The following ARHGAP44 variants were observed in gnomAD, a reference collection of about 807,000 sequenced individuals.
ARHGAP44 encodes the protein Rho GTPase activating protein 44.
A neutral mutation model predicts 106.8 loss-of-function variants in ARHGAP44; 43 were observed. That is an observed-to-expected ratio of 0.40 (90% confidence interval 0.32 to 0.52). The LOEUF (loss-of-function observed/expected upper bound fraction) is 0.52, where lower values mean the gene tolerates loss of function less well. Among genes scored for constraint, ARHGAP44 ranks in the 20% least tolerant of loss-of-function variants. The pLI, the probability that ARHGAP44 is intolerant of heterozygous loss-of-function variation, is 0.48. For synonymous variants in ARHGAP44, 439 were observed against 410.3 expected (o/e 1.07, Z -0.85); for missense variants, 866 against 1,050.5 (o/e 0.82, Z 2.43).
chr17:12,954,472 C>G (rs1344495600), intron 13 of ARHGAP44, among the ~76,000 whole-genome samples: 3 of 152,238 alleles, frequency 2.0e-5, no homozygotes, highest in Non-Finnish European at 4.4e-5. Flanking sequence ...GGTCCCACAT[C>G]CTGGTCCAGA....
chr17:12,792,490 G>T (rs572305679), intron 1 of ARHGAP44, among the ~76,000 whole-genome samples: 1 of 152,250 alleles, frequency 6.6e-6, no homozygotes, highest in South Asian at 2.1e-4. Flanking sequence ...TCAGCGAGAG[G>T]GGCAGTATCT....
At chr17:12,973,600 CA>C in intron 17 of ARHGAP44, 1 of 531,956 alleles carries the variant, frequency 1.9e-6, no homozygotes, top group South Asian at 2.8e-5. Flanking sequence ...CTCCAAGTTA[CA>C]AAAAGAAGGA....
chr17:12,918,924 A>G (rs2037993556), intron 5 of ARHGAP44, among the ~76,000 whole-genome samples: 1 of 152,166 alleles, frequency 6.6e-6, no homozygotes, highest in African/African-American at 2.4e-5. Flanking sequence ...GTCTGGCTTG[A>G]TGGAGAGCCT....
At chr17:12,987,556 C>T (rs144601155) in intron 20 of ARHGAP44, 412 of 159,834 alleles carry the variant, frequency 2.6e-3, no homozygotes, top group African/African-American at 9.3e-3. Flanking sequence ...CACCTGCTCA[C>T]CTTTGTTTAG....
chr17:12,847,743 G>T (rs1250839259), intron 1 of ARHGAP44, among the ~76,000 whole-genome samples: 3 of 151,462 alleles, frequency 2.0e-5, no homozygotes, highest in African/African-American at 7.3e-5. Flanking sequence ...CTGACCTCGT[G>T]ATCCGCCCGC....
At chr17:12,789,999 C>T (rs187417239) in intron 1 of ARHGAP44, 108 bp downstream of exon 1, 64 of 1,091,110 alleles carry the variant, frequency 5.9e-5, no homozygotes, top group Non-Finnish European at 7.6e-5. Flanking sequence ...TGCCTCAGTC[C>T]TTTCCCCTGC....
At chr17:12,938,109 A>C (rs2038601799) in intron 7 of ARHGAP44, among the ~76,000 whole-genome samples, 2 of 152,278 alleles carry the variant, frequency 1.3e-5, no homozygotes, top group African/African-American at 4.8e-5. Context: ...CCATAAAATC[A>C]TGAGCTATTC....
intron 1 of ARHGAP44, among the ~76,000 whole-genome samples, chr17:12,877,737 G>A (rs1366740528): frequency 2.0e-5 from 3 of 151,362 alleles, no homozygotes; most frequent in Non-Finnish European, 2.9e-5. Context: ...GTGACAGAGC[G>A]AGACTCCGTC....
intron 1 of ARHGAP44, 135 bp from the exon 2 acceptor site, chr17:12,894,805 C>T: frequency 1.3e-6 from 1 of 756,790 alleles, no homozygotes; most frequent in Non-Finnish European, 2.1e-6. Context: ...CTAGTTTTCT[C>T]TATTCTCTTA....
intron 1 of ARHGAP44, among the ~76,000 whole-genome samples, chr17:12,796,152 C>CT (rs2033912368): frequency 6.6e-6 from 1 of 151,762 alleles, no homozygotes; most frequent in Non-Finnish European, 1.5e-5. Flanking sequence ...ATCTATCTAT[C>CT]TATCTATCTA....
chr17:12,862,709 T>C (rs553546079), intron 1 of ARHGAP44, among the ~76,000 whole-genome samples: 56 of 152,192 alleles, frequency 3.7e-4, no homozygotes, highest in Non-Finnish European at 6.8e-4. Flanking sequence ...TTTAAGATGA[T>C]TGGGGCCAGG....
chr17:12,870,706 T>G (rs545426309), intron 1 of ARHGAP44, among the ~76,000 whole-genome samples: 88 of 152,376 alleles, frequency 5.8e-4, no homozygotes, highest in African/African-American at 2.0e-3. Context: ...ACTGCTAGTT[T>G]ACATACACAT....
chr17:12,842,982 C>T (rs778192758), intron 1 of ARHGAP44, among the ~76,000 whole-genome samples: 10 of 152,110 alleles, frequency 6.6e-5, no homozygotes, highest in African/African-American at 1.4e-4. Flanking sequence ...TTTGCTGAAG[C>T]GGCCATCCTT....
At chr17:12,794,891 A>G (rs1369733507) in intron 1 of ARHGAP44, among the ~76,000 whole-genome samples, 1 of 152,208 alleles carries the variant, frequency 6.6e-6, no homozygotes, top group African/African-American at 2.4e-5. Context: ...TGTCTGGGCC[A>G]AAGCTGCCAA....
rs35187904 is a variant in ARHGAP44, at chr17:12,883,175, G to GTT, written c.54-11756_54-11755dup. On this transcript the variant is annotated intron_variant, in intron 1 of 20. Coordinates refer to ENST00000379672, the MANE Select transcript of ARHGAP44 (RefSeq NM_014859.6). ...TTTTCTAAATGGCCATTTTGTCTAA[G>GTT]TTTTTTTTTTAAAAACTTGCTCACA... Among the ~76,000 whole-genome samples the GTT allele has an allele frequency of 3.2e-4, 48 of 148,364 alleles. No homozygotes were observed. In the East Asian group the frequency reaches 3.7e-3, roughly 12 times the overall value.
chr17:12,976,952 C>T (rs1048406932), intron 18 of ARHGAP44, among the ~76,000 whole-genome samples: 2 of 152,184 alleles, frequency 1.3e-5, no homozygotes, highest in East Asian at 1.9e-4. Flanking sequence ...ATCCTAGTTT[C>T]CCATCTTAGA....
chr17:12,944,227 G>A (rs376207019), intron 10 of ARHGAP44, 31 bp downstream of exon 10: 44 of 1,563,102 alleles, frequency 2.8e-5, no homozygotes, highest in Admixed American at 1.8e-4. Flanking sequence ...ACGCCGCCCC[G>A]GGCAGGTCTC....
chr17:12,989,554 C>A (rs531623945), intron 20 of ARHGAP44, among the ~76,000 whole-genome samples: 1 of 152,176 alleles, frequency 6.6e-6, no homozygotes, highest in Non-Finnish European at 1.5e-5. Flanking sequence ...TGTCAGCCAT[C>A]CAAAATGCAG....
intron 1 of ARHGAP44, among the ~76,000 whole-genome samples, chr17:12,811,639 T>C (rs910966282): frequency 3.3e-5 from 5 of 152,236 alleles, no homozygotes; most frequent in African/African-American, 9.6e-5. Context: ...TGAAATATTC[T>C]TTCCTTGTTG....
Sources: allele counts gnomAD v4.1 joint callset (sites outside exome capture counted in the v4.1 genomes callset), GRCh38; gene constraint gnomAD v4.1.1; transcripts MANE v1.5; gene names NCBI Gene and HGNC (gene_info 2026-07-23, HGNC 2026-07-21).